HAPLN3: variants seen among roughly 807,000 people sequenced by gnomAD.
HAPLN3 encodes the protein hyaluronan and proteoglycan link protein 3, also known as extracellular link domain containing, 1.
In HAPLN3, 28 loss-of-function variants were observed where a neutral mutation model predicts 28.1. The ratio of observed to expected loss-of-function variants is 1.00; its 90% CI spans 0.74 to 1.37. HAPLN3 has a LOEUF of 1.37. Among genes scored for constraint, HAPLN3 ranks in the 40% most tolerant of loss-of-function variants. The probability of loss-of-function intolerance (pLI) is 0.00; values close to 1 mark genes in which losing one functional copy is unlikely to be tolerated. For synonymous variants in HAPLN3, 211 were observed against 213.1 expected (o/e 0.99, Z 0.09); for missense variants, 513 against 504.6 (o/e 1.02, Z -0.16).
In HAPLN3 at chr15:88,895,145, C is replaced by T. The variant is rs1282939910; in HGVS notation, c.-48+314G>A. On this transcript the variant is annotated intron_variant, in intron 1 of 4. Transcript: ENST00000359595. This position sits in a 1 kb window ranked among gnomAD's most constrained non-coding sequence, Gnocchi z 5.5. ...GGGGAGAGAGCCAAGCGGACCCTGGCAGGAAGGGGGCTGGAGGCGGACGGT... is the reference window on the plus strand; with the variant it reads ...GGGGAGAGAGCCAAGCGGACCCTGGTAGGAAGGGGGCTGGAGGCGGACGGT... Among the ~76,000 whole-genome samples, 1 of 152,224 alleles carries T rather than the reference C, an allele frequency of 6.6e-6. No homozygotes were observed. Among genetic ancestry groups the T allele is most frequent in the Non-Finnish European group, 1.5e-5 (1 of 68,028 alleles).
rs935884458 is a variant in HAPLN3, at chr15:88,879,056, G to A, written c.707C>T (p.Pro236Leu). The A allele has an allele frequency of 6.2e-6, 10 of 1,606,066 alleles. No individual in the cohort carries two copies. The highest frequency in any genetic ancestry group is 2.2e-5 in the South Asian group (2 of 90,170). The change falls in exon 4 of 5, where the codon CCG (proline) becomes CTG (leucine). Residue 236 changes from proline to leucine, a missense_variant. Pro to Leu is a moderately conservative substitution (Grantham distance 98). Coordinates refer to ENST00000359595, the MANE Select transcript of HAPLN3 (RefSeq NM_178232.4). This position sits in a 1 kb window ranked among gnomAD's most constrained non-coding sequence, Gnocchi z 5.0. ...GCTTCGCACGCCAGGTGCCAGGCCC[G>A]GGCCACCGCAGGGCTGCCGGGGCAA... ...IMLPRQPCGG[P>L]GLAPGVRSYG...
chr15:88,880,385 C>T lies in HAPLN3; in HGVS notation c.493+972G>A. 1.7e-5 allele frequency: 19 copies of T among 1,133,406 alleles called. No homozygotes were observed. The highest frequency in any genetic ancestry group is 2.1e-5 in the Non-Finnish European group (19 of 911,216). 70.2% of individuals were successfully genotyped at this position (1,133,406 alleles called of 1,614,324 possible). A position where few individuals can be genotyped will look rare whatever the true frequency, so the allele number is the denominator to read the frequency against. ...ACACTGGTGGCAAAGACAGAGAACG[C>T]ATTTTAAGGACATACATCTTATCCT... On this transcript the variant is annotated intron_variant, in intron 3 of 4. Coordinates refer to ENST00000359595, the MANE Select transcript of HAPLN3 (RefSeq NM_178232.4). The surrounding 1 kb of genome is among the most constrained non-coding windows in gnomAD (Gnocchi z 6.0).
At chr15:88,882,101 G>A (rs1897722300) in intron 2 of HAPLN3, among the ~76,000 whole-genome samples, 1 of 152,088 alleles carries the variant, frequency 6.6e-6, no homozygotes, top group African/African-American at 2.4e-5. Context: ...CCTGCTAGAG[G>A]ATGAGAGAAT....
intron 2 of HAPLN3, among the ~76,000 whole-genome samples, chr15:88,882,949 G>A (rs1897746767): frequency 6.6e-6 from 1 of 152,158 alleles, no homozygotes; most frequent in Non-Finnish European, 1.5e-5. Flanking sequence ...AGGCTGCAGT[G>A]AGTCATGATC....
chr15:88,882,007 C>T (rs1897719232), intron 2 of HAPLN3, among the ~76,000 whole-genome samples: 1 of 152,244 alleles, frequency 6.6e-6, no homozygotes, highest in Non-Finnish European at 1.5e-5. Flanking sequence ...CATGCCTGCT[C>T]TGAGCATAGG....
rs772691305 is a variant in HAPLN3 at position 88,878,180 on chromosome 15, G to A, written c.873C>T (p.Ala291=). Residue 291 remains alanine (A), a synonymous_variant, in exon 5 of 5, where the codon GCC becomes GCT. Coordinates refer to ENST00000359595, the MANE Select transcript of HAPLN3 (RefSeq NM_178232.4). ...AGAGCTGTCCCACCTTGGCGATCGTGGCATCATCTTCCTGGCAGGCCTCCC... is the reference window on the plus strand; with the variant it reads ...AGAGCTGTCCCACCTTGGCGATCGTAGCATCATCTTCCTGGCAGGCCTCCC... The part of the protein sequence containing the change: ...EAREACQEDD[A]TIAKVGQLFA... 8 of 1,614,024 alleles carry A rather than the reference G, an allele frequency of 5.0e-6. No individual in the cohort carries two copies. In the Admixed American group the frequency reaches 1.3e-4, roughly 27 times the overall value.
At position 88,881,498 on chromosome 15, in the gene HAPLN3, G is replaced by A. The variant is rs776182470; in HGVS notation, c.352C>T (p.Arg118Cys). 9.9e-6 allele frequency: 16 copies of A among 1,614,060 alleles called. No homozygotes were observed. The highest frequency in any genetic ancestry group is 2.2e-5 in the South Asian group (2 of 91,080). ...RHRSFGDYQG[R>C]VHLRQDKEHD... ...TCTTTGTCCTGCCGCAGGTGCACGC[G>A]GCCTTGGTAGTCCCCAAAGGAGCGG... Residue 118 changes from arginine (R) to cysteine (C), a missense_variant, in exon 3 of 5, where the codon CGC becomes TGC. Transcript: ENST00000359595. The surrounding 1 kb of genome is among the most constrained non-coding windows in gnomAD (Gnocchi z 6.0).
Position 88,878,262 on chromosome 15 carries a change from G to A in HAPLN3, c.797-6C>T, listed in dbSNP as rs745932097. On this transcript the variant is annotated splice_region_variant and splice_polypyrimidine_tract_variant and intron_variant, in intron 4 of 4. Coordinates refer to ENST00000359595, the MANE Select transcript of HAPLN3 (RefSeq NM_178232.4). ...CTCCAGGTAGTACACCCGCCCTGGG[G>A]GAAAGGGGGCGTGAGTGCCGTACAG... 28 of 1,607,880 alleles carry A rather than the reference G, an allele frequency of 1.7e-5. No individual in the cohort carries two copies. Among genetic ancestry groups the A allele is most frequent in the Non-Finnish European group, 2.4e-5 (28 of 1,176,442 alleles).
Position 88,879,046 on chromosome 15 carries a change from T to G in HAPLN3, c.717A>C (p.Ala239=). The G allele has an allele frequency of 6.2e-7, 1 of 1,606,968 alleles. No homozygotes were observed. The highest frequency in any genetic ancestry group is 1.1e-5 in the South Asian group (1 of 90,230). The part of the protein sequence containing the change: ...PRQPCGGPGL[A]PGVRSYGPRH... ...GGGGGCCGTAGCTTCGCACGCCAGG[T>G]GCCAGGCCCGGGCCACCGCAGGGCT... The change falls in exon 4 of 5, where the codon GCA becomes GCC. Residue 239 remains alanine, a synonymous_variant. Transcript: ENST00000359595. This position sits in a 1 kb window ranked among gnomAD's most constrained non-coding sequence, Gnocchi z 5.0.
In HAPLN3 at chr15:88,879,571, C is replaced by A; in HGVS notation, c.494-302G>T. The stretch of plus-strand genomic sequence containing the variant: ...GGCTGTCGCCAGACCCCCAGTGAGG[C>A]TGTGCCATCTTCTCCAGACAGGCCC... On this transcript the variant is annotated intron_variant, in intron 3 of 4. Transcript: ENST00000359595. This position sits in a 1 kb window ranked among gnomAD's most constrained non-coding sequence, Gnocchi z 5.0. 1 of 1,376,794 alleles carries A rather than the reference C, an allele frequency of 7.3e-7. No individual in the cohort carries two copies. The highest frequency in any genetic ancestry group is 9.6e-7 in the Non-Finnish European group (1 of 1,044,982). 85.3% of individuals were successfully genotyped at this position (1,376,794 alleles called of 1,614,324 possible).
chr15:88,894,344 A>T (rs755802344), intron 1 of HAPLN3, among the ~76,000 whole-genome samples: 1 of 151,786 alleles, frequency 6.6e-6, no homozygotes, highest in Non-Finnish European at 1.5e-5. Context: ...CCTCCACCCA[A>T]GAACAATAAG....
chr15:88,881,517 G>A lies in HAPLN3; in HGVS notation c.333C>T (p.Ser111=). ...GCACGCGGCCTTGGTAGTCCCCAAA[G>A]GAGCGGTGCCTCAGCCCGATGGCCA... ...VLVAIGLRHR[S]FGDYQGRVHL... Residue 111 remains serine, a synonymous_variant, in exon 3 of 5, where the codon TCC becomes TCT. Coordinates refer to ENST00000359595, the MANE Select transcript of HAPLN3 (RefSeq NM_178232.4). The surrounding 1 kb of genome is among the most constrained non-coding windows in gnomAD (Gnocchi z 6.0). 6.2e-7 allele frequency: 1 copy of A among 1,614,096 alleles called. No homozygotes were observed. The highest frequency in any genetic ancestry group is 2.2e-5 in the East Asian group (1 of 44,876).
At chr15:88,887,396 C>T (rs1390241408) in intron 1 of HAPLN3, 51 bp from the exon 2 acceptor site, 1 of 1,498,762 alleles carries the variant, frequency 6.7e-7, no homozygotes, top group African/African-American at 1.4e-5. Flanking sequence ...CTTCCAGGGC[C>T]CACATCCCCT....
In HAPLN3 at chr15:88,881,223, G is replaced by C. The variant is rs1489695441; in HGVS notation, c.493+134C>G. On this transcript the variant is annotated intron_variant, in intron 3 of 4. Coordinates refer to ENST00000359595, the MANE Select transcript of HAPLN3 (RefSeq NM_178232.4). The surrounding 1 kb of genome is among the most constrained non-coding windows in gnomAD (Gnocchi z 6.0). ...CACCTGTAAAATGGGGGTCACAACAGTAGCTTCCATGTGGGTTGTTTTGAG... is the reference window on the plus strand; with the variant it reads ...CACCTGTAAAATGGGGGTCACAACACTAGCTTCCATGTGGGTTGTTTTGAG... The C allele has an allele frequency of 8.3e-7, 1 of 1,199,492 alleles. No homozygotes were observed. Among genetic ancestry groups the C allele is most frequent in the Admixed American group, 2.5e-5 (1 of 40,726 alleles). 74.3% of individuals were successfully genotyped at this position (1,199,492 alleles called of 1,614,324 possible). A position where few individuals can be genotyped will look rare whatever the true frequency, so the allele number is the denominator to read the frequency against.
Position 88,879,668 on chromosome 15 carries a change from T to C in HAPLN3, c.494-399A>G. 1 of 1,193,858 alleles carries C rather than the reference T, an allele frequency of 8.4e-7. No homozygotes were observed. The highest frequency in any genetic ancestry group is 5.7e-5 in the East Asian group (1 of 17,536). 74.0% of individuals were successfully genotyped at this position (1,193,858 alleles called of 1,614,324 possible). On this transcript the variant is annotated intron_variant, in intron 3 of 4. Transcript: ENST00000359595. This position sits in a 1 kb window ranked among gnomAD's most constrained non-coding sequence, Gnocchi z 5.0. ...GTTAGCTGGGACCCGATCGTCTACGTTATTATGAATGTGGAAATTTCCTAG... is the reference window on the plus strand; with the variant it reads ...GTTAGCTGGGACCCGATCGTCTACGCTATTATGAATGTGGAAATTTCCTAG...
In HAPLN3 at chr15:88,881,282, G is replaced by T. The variant is rs532584464; in HGVS notation, c.493+75C>A. ...ACTTTTAAATGTCTAAAGCACAGAG[G>T]TCTGGATGTTTTCTCTGGTCCTCTC... On this transcript the variant is annotated intron_variant, in intron 3 of 4. Transcript: ENST00000359595. This position sits in a 1 kb window ranked among gnomAD's most constrained non-coding sequence, Gnocchi z 6.0. 7 of 1,507,574 alleles carry T rather than the reference G, an allele frequency of 4.6e-6. No homozygotes were observed. Among genetic ancestry groups the T allele is most frequent in the Non-Finnish European group, 6.3e-6 (7 of 1,119,264 alleles). The allele number at this position is 1,507,574 out of a possible 1,614,324, so 93.4% of individuals were successfully genotyped here.
rs756589207 is a variant in HAPLN3 at position 88,881,321 on chromosome 15, G to A, written c.493+36C>T. On this transcript the variant is annotated intron_variant, in intron 3 of 4. Coordinates refer to ENST00000359595, the MANE Select transcript of HAPLN3 (RefSeq NM_178232.4). The surrounding 1 kb of genome is among the most constrained non-coding windows in gnomAD (Gnocchi z 6.0). ...TCTGGTCCTCTCCCCTCTGCTCTCA[G>A]GTCCCAGTGTCACCCAGTCCCCGTT... 4 of 1,583,758 alleles carry A rather than the reference G, an allele frequency of 2.5e-6. No homozygotes were observed. The highest frequency in any genetic ancestry group is 3.4e-6 in the Non-Finnish European group (4 of 1,164,652).
At chr15:88,890,046 G>C (rs1283678639) in intron 1 of HAPLN3, among the ~76,000 whole-genome samples, 3 of 149,634 alleles carry the variant, frequency 2.0e-5, no homozygotes, top group Non-Finnish European at 4.5e-5. Flanking sequence ...AAGGAAGGAA[G>C]GAAGGAAAGG....
intron 2 of HAPLN3, among the ~76,000 whole-genome samples, chr15:88,883,970 T>C (rs931999978): frequency 3.3e-5 from 5 of 151,332 alleles, no homozygotes; most frequent in African/African-American, 1.2e-4. Context: ...CTCAGCTAAC[T>C]CAGGAGGCTA....
Sources: allele counts gnomAD v4.1 joint callset (sites outside exome capture counted in the v4.1 genomes callset), GRCh38; gene constraint gnomAD v4.1.1; non-coding constraint Gnocchi (gnomAD v3.1); transcripts MANE v1.5; gene names NCBI Gene and HGNC (gene_info 2026-07-23, HGNC 2026-07-21).